The following BRD3 variants were observed in gnomAD, a reference collection of about 807,000 sequenced individuals.
BRD3 encodes the protein bromodomain-containing protein 3.
A neutral mutation model predicts 66.8 loss-of-function variants in BRD3; 17 were observed. That is an observed-to-expected ratio of 0.25 (90% CI 0.17 to 0.38). The LOEUF (loss-of-function observed/expected upper bound fraction) is 0.38, where lower values mean the gene tolerates loss of function less well. Ranked by LOEUF, BRD3 falls within the 10% of genes least tolerant of loss-of-function variation. BRD3 has a pLI of 1.00. For missense variants in BRD3, 713 were observed against 956.1 expected, an observed-to-expected ratio of 0.75 and a Z score of 3.35; for synonymous variants, 421 against 393.2, an observed-to-expected ratio of 1.07 and a Z score of -0.84.
rs199572673 is a variant in BRD3, at chr9:134,034,851, C to T, written c.1937-22G>A. 56 of 1,610,162 alleles carry T rather than the reference C, an allele frequency of 3.5e-5. No homozygotes were observed. The African/African-American group carries it at 7.1e-4, about 20-fold the overall frequency. On this transcript the variant is annotated intron_variant, in intron 10 of 11. Transcript: ENST00000303407. ...GCTGCTGTCGGGGAACAAATGGGCACTCAGACTGCAGAGCAGACCGATGGG... is the reference window on the plus strand; with the variant it reads ...GCTGCTGTCGGGGAACAAATGGGCATTCAGACTGCAGAGCAGACCGATGGG...
chr9:134,041,985 G>GAT, intron 7 of BRD3, 34 bp from the exon 8 acceptor site: 1 of 1,526,550 alleles, frequency 6.6e-7, no homozygotes, highest in Non-Finnish European at 8.8e-7. Context: ...TGAAGACATG[G>GAT]GTGCCCATGG....
chr9:134,045,779 G>C lies in BRD3; in HGVS notation c.1087-358C>G, dbSNP rs979911709. Among the ~76,000 whole-genome samples the C allele has an allele frequency of 6.6e-6, 1 of 152,136 alleles. No individual in the cohort carries two copies. The highest frequency in any genetic ancestry group is 1.9e-4 in the East Asian group (1 of 5,186). On this transcript the variant is annotated intron_variant, in intron 6 of 11. Transcript: ENST00000303407. This position sits in a 1 kb window ranked among gnomAD's most constrained non-coding sequence, Gnocchi z 4.8. ...CAAAGCGGGTAAATCTTCACACGCC[G>C]CCACGCCATCAGCAGCCCCAGGGGG...
intron 3 of BRD3, among the ~76,000 whole-genome samples, 169 bp from the exon 4 acceptor site, chr9:134,051,878 T>TGTGTGTGTGTGTGTGTGTGTG (rs372701647): frequency 1.5e-4 from 18 of 116,292 alleles, no homozygotes; most frequent in African/African-American, 6.3e-4. Context: ...TGTGTGTGTG[T>TGTGTGTGTGTGTGTGTGTGTG]TGTTTTTTTT....
intron 1 of BRD3, among the ~76,000 whole-genome samples, chr9:134,067,622 A>G (rs1249700698): frequency 6.9e-6 from 1 of 144,730 alleles, no homozygotes; most frequent in East Asian, 2.1e-4. Context: ...GGGCCGCGCC[A>G]ACTCCGGGCT....
chr9:134,050,297 G>A (rs905805446), intron 5 of BRD3, 77 bp downstream of exon 5: 111 of 1,433,014 alleles, frequency 7.7e-5, no homozygotes, highest in Admixed American at 1.5e-4. Flanking sequence ...GGGGCCCCCC[G>A]CCTGCTGCTC....
chr9:134,066,935 C>A (rs1308003138), intron 1 of BRD3, among the ~76,000 whole-genome samples: 1 of 152,204 alleles, frequency 6.6e-6, no homozygotes, highest in Non-Finnish European at 1.5e-5. Context: ...CTCGGCGGGC[C>A]GAGTTCTCGC....
At chr9:134,053,822 A>G (rs1199970765) in intron 1 of BRD3, 7 of 303,238 alleles carry the variant, frequency 2.3e-5, no homozygotes, top group Non-Finnish European at 4.3e-5. Context: ...ACGGGAGGGA[A>G]GGCCTGGGCG....
Position 134,032,352 on chromosome 9 carries a change from G to A in BRD3, c.*1238C>T, listed in dbSNP as rs1843522535. ...TAAAACAGTCTTAAAGAGACCAGAA[G>A]TGAATACAAAAGAACTAAACAAAAT... is the stretch of plus-strand genomic sequence containing the variant. On this transcript the variant is annotated 3_prime_UTR_variant, in exon 12 of 12. Coordinates refer to ENST00000303407, the MANE Select transcript of BRD3 (RefSeq NM_007371.4). 4.9e-6 allele frequency: 1 copy of A among 202,116 alleles called. No individual in the cohort carries two copies. The highest frequency in any genetic ancestry group is 9.9e-6 in the Non-Finnish European group (1 of 100,958). The allele number at this position is 202,116 out of a possible 1,614,324, so 12.5% of individuals were successfully genotyped here.
chr9:134,059,684 C>T (rs1010191197), intron 1 of BRD3, among the ~76,000 whole-genome samples: 1 of 152,192 alleles, frequency 6.6e-6, no homozygotes, highest in Non-Finnish European at 1.5e-5. Flanking sequence ...AAATGTGAAC[C>T]GAGAAGGGTC....
chr9:134,051,367 A>C (rs1242325157), intron 4 of BRD3, among the ~76,000 whole-genome samples, 195 bp downstream of exon 4: 2 of 152,142 alleles, frequency 1.3e-5, no homozygotes, highest in Non-Finnish European at 2.9e-5. Context: ...CTATGGCGTT[A>C]ATGTCTTCCG....
intron 8 of BRD3, among the ~76,000 whole-genome samples, chr9:134,040,669 G>A (rs1374684694): frequency 6.6e-6 from 1 of 152,190 alleles, no homozygotes; most frequent in Non-Finnish European, 1.5e-5. Flanking sequence ...CCATCAACCC[G>A]TCATCTACAT....
chr9:134,055,416 A>G (rs1162571986), intron 1 of BRD3, among the ~76,000 whole-genome samples: 9 of 152,162 alleles, frequency 5.9e-5, no homozygotes, highest in East Asian at 3.9e-4. Context: ...AGGCCTGGAC[A>G]GCAGCAGGCT....
chr9:134,049,204 TG>T (rs1830240181), intron 5 of BRD3, among the ~76,000 whole-genome samples: 1 of 152,078 alleles, frequency 6.6e-6, no homozygotes, highest in South Asian at 2.1e-4. Flanking sequence ...CCAGGCCTCC[TG>T]GGGGTGTGCA....
chr9:134,041,606 G>A (rs985340233), intron 8 of BRD3, among the ~76,000 whole-genome samples, 154 bp downstream of exon 8: 5 of 152,230 alleles, frequency 3.3e-5, no homozygotes, highest in African/African-American at 1.2e-4. Flanking sequence ...CAGACCTGGG[G>A]AGGGCACTCC....
rs957957598 is a variant in BRD3 at position 134,053,572 on chromosome 9, G to A, written c.-95C>T. Reference sequence around the variant, plus strand: ...TGAGAAAGCGCGACGTCCCATTTCCGGGCCCAACCAGGCGACAGCTGCAGA... The same window carrying A: ...TGAGAAAGCGCGACGTCCCATTTCCAGGCCCAACCAGGCGACAGCTGCAGA... On this transcript the variant is annotated 5_prime_UTR_variant, in exon 2 of 12. Transcript: ENST00000303407. The A allele has an allele frequency of 2.3e-5, 33 of 1,448,562 alleles. No homozygotes were observed. Among genetic ancestry groups the A allele is most frequent in the Middle Eastern group, 2.5e-4 (1 of 3,956 alleles). The allele number at this position is 1,448,562 out of a possible 1,614,324, so 89.7% of individuals were successfully genotyped here. A position where few individuals can be genotyped will look rare whatever the true frequency, so the allele number is the denominator to read the frequency against.
intron 1 of BRD3, among the ~76,000 whole-genome samples, chr9:134,067,575 G>A (rs923883614): frequency 9.5e-5 from 14 of 147,458 alleles, no homozygotes; most frequent in Admixed American, 4.7e-4. Flanking sequence ...CTTCCGTGAG[G>A]GAGGGCGCGC....
At chr9:134,037,155 A>G (rs1167687492) in intron 9 of BRD3, among the ~76,000 whole-genome samples, 1 of 152,262 alleles carries the variant, frequency 6.6e-6, no homozygotes, top group Non-Finnish European at 1.5e-5. Context: ...TGTTCTAAGT[A>G]GGTTAAAAGG....
intron 5 of BRD3, 36 bp from the exon 6 acceptor site, chr9:134,048,490 C>T (rs201993114): frequency 6.3e-7 from 1 of 1,596,978 alleles, no homozygotes; most frequent in South Asian, 1.1e-5. Flanking sequence ...CCCCGGAAAC[C>T]AGGGGCCCCG....
At chr9:134,051,880 GTTTTTTTTGTTTTTT>G (rs767433094) in intron 3 of BRD3, among the ~76,000 whole-genome samples, 171 bp from the exon 4 acceptor site, 12,413 of 113,462 alleles carry the variant, frequency 0.11, 854 homozygotes, top group African/African-American at 0.19. Flanking sequence ...TGTGTGTGTT[GTTTTTTTTGTTTTTT>G]TTTTTTTTTT....
Sources: allele counts gnomAD v4.1 joint callset (sites outside exome capture counted in the v4.1 genomes callset), GRCh38; gene constraint gnomAD v4.1.1; non-coding constraint Gnocchi (gnomAD v3.1); transcripts MANE v1.5; gene names NCBI Gene and HGNC (gene_info 2026-07-23, HGNC 2026-07-21).